Variants in AMOTL1 observed in about 807,000 individuals in gnomAD.
AMOTL1 encodes the protein angiomotin-like protein 1.
AMOTL1 carries 45 observed loss-of-function variants against 102.9 expected under a neutral mutation model. The ratio of observed to expected loss-of-function variants is 0.44; its 90% CI spans 0.34 to 0.56. The LOEUF is 0.56. Among genes scored for constraint, AMOTL1 ranks in the 20% least tolerant of loss-of-function variants. The probability of loss-of-function intolerance (pLI) is 0.01; values close to 1 mark genes in which losing one functional copy is unlikely to be tolerated. For synonymous variants in AMOTL1, 481 were observed against 484.7 expected, an observed-to-expected ratio of 0.99 and a Z score of 0.10; for missense variants, 1,114 against 1,225.6, an observed-to-expected ratio of 0.91 and a Z score of 1.36.
At chr11:94,740,253 G>A (rs2135475265) in intron 2 of AMOTL1, 1 of 152,452 alleles carries the variant, frequency 6.6e-6, no homozygotes, top group East Asian at 1.9e-4. Context: ...CATCTCCTCA[G>A]GAGAAGCCCA....
chr11:94,729,026 G>T (rs1359445527), exon 2 of AMOTL1: 3 of 1,289,080 alleles, frequency 2.3e-6, no homozygotes, highest in Non-Finnish European at 1.0e-6. Context: ...TCCCATGCTG[G>T]AATTCATCAT....
chr11:94,876,370 GC>G lies in AMOTL1; in HGVS notation c.*5576del, dbSNP rs1953095079. The G allele has an allele frequency of 6.6e-6, 1 of 152,654 alleles. No individual in the cohort carries two copies. The highest frequency in any genetic ancestry group is 1.5e-5 in the Non-Finnish European group (1 of 68,048). 9.5% of individuals were successfully genotyped at this position (152,654 alleles called of 1,614,324 possible). A position where few individuals can be genotyped will look rare whatever the true frequency, so the allele number is the denominator to read the frequency against. On this transcript the variant is annotated 3_prime_UTR_variant, in exon 13 of 13. Coordinates refer to ENST00000433060, the MANE Select transcript of AMOTL1 (RefSeq NM_130847.3). ...TCCTGCTGCCGCTGCCCTCCAACCTGCTCTGTGTGTGTGTGTCGCTGTGCTT... is the reference window on the plus strand; with the variant it reads ...TCCTGCTGCCGCTGCCCTCCAACCTGTCTGTGTGTGTGTGTCGCTGTGCTT...
At chr11:94,857,438 C>T (rs951625565) in intron 8 of AMOTL1, among the ~76,000 whole-genome samples, 1 of 152,078 alleles carries the variant, frequency 6.6e-6, no homozygotes, top group Non-Finnish European at 1.5e-5. Flanking sequence ...TAGGTTGGGA[C>T]AATAGGACTA....
intron 1 of AMOTL1, among the ~76,000 whole-genome samples, chr11:94,720,835 G>T (rs1591890801): frequency 6.6e-6 from 1 of 152,106 alleles, no homozygotes; most frequent in Non-Finnish European, 1.5e-5. Context: ...AAGAAGAAAT[G>T]GGGTGCCTAG....
chr11:94,802,422 T>C (rs1452629430), intron 3 of AMOTL1, among the ~76,000 whole-genome samples: 1 of 152,226 alleles, frequency 6.6e-6, no homozygotes, highest in Non-Finnish European at 1.5e-5. Flanking sequence ...CTTCTTTGCT[T>C]TACTATTTGT....
intron 3 of AMOTL1, among the ~76,000 whole-genome samples, chr11:94,814,987 C>G (rs1951741787): frequency 6.6e-6 from 1 of 152,164 alleles, no homozygotes; most frequent in African/African-American, 2.4e-5. Flanking sequence ...TCTATTACAG[C>G]AAACATTTAT....
chr11:94,852,463 A>C (rs765864793), intron 7 of AMOTL1, among the ~76,000 whole-genome samples: 16 of 152,250 alleles, frequency 1.1e-4, no homozygotes, highest in East Asian at 1.9e-4. Flanking sequence ...AGGAAATAGC[A>C]TCTGGTGTCT....
chr11:94,814,333 A>G (rs183560517), intron 3 of AMOTL1, among the ~76,000 whole-genome samples: 291 of 152,342 alleles, frequency 1.9e-3, no homozygotes, highest in Non-Finnish European at 3.1e-3. Flanking sequence ...GAAATTTTCT[A>G]TCAAACAGAG....
chr11:94,789,241 C>A (rs549352060), intron 1 of AMOTL1, among the ~76,000 whole-genome samples: 1 of 152,298 alleles, frequency 6.6e-6, no homozygotes, highest in Admixed American at 6.5e-5. Context: ...TCACTGCAAC[C>A]TTTGCCTCCT....
Position 94,789,036 on chromosome 11 carries a change from A to T in AMOTL1, c.50-5975A>T, listed in dbSNP as rs909279372. On this transcript the variant is annotated intron_variant, in intron 1 of 12. Transcript: ENST00000433060. ...GGAATCTTGTAAACCCCACCCCTCA[A>T]CCCCCAACTCCAAACCTCGGGTTTC... is the stretch of plus-strand genomic sequence containing the variant. Among the ~76,000 whole-genome samples the T allele has an allele frequency of 3.9e-5, 6 of 152,154 alleles. No individual in the cohort carries two copies. The South Asian group carries it at 1.2e-3, about 32-fold the overall frequency.
At position 94,866,161 on chromosome 11, in the gene AMOTL1, G is replaced by C. The variant is rs746252706; in HGVS notation, c.2481G>C (p.Gly827=). ...AGAAGGAAGAGAAGACCTGGAAGGGGAGCATAGGTGAGCCCCACACCTCTG... is the reference window on the plus strand; with the variant it reads ...AGAAGGAAGAGAAGACCTGGAAGGGCAGCATAGGTGAGCCCCACACCTCTG... ...EEKKEEKTWK[G]SIGLLLGKEH... is the part of the protein sequence containing the mutation. The change falls in exon 11 of 13, where the codon GGG becomes GGC. Residue 827 remains glycine (G), a synonymous_variant. Coordinates refer to ENST00000433060, the MANE Select transcript of AMOTL1 (RefSeq NM_130847.3). The C allele has an allele frequency of 1.2e-5, 20 of 1,613,840 alleles. No individual in the cohort carries two copies. Among genetic ancestry groups the C allele is most frequent in the Non-Finnish European group, 1.7e-5 (20 of 1,179,800 alleles).
intron 6 of AMOTL1, among the ~76,000 whole-genome samples, chr11:94,835,877 A>G (rs1592016833): frequency 6.6e-6 from 1 of 152,256 alleles, no homozygotes; most frequent in Non-Finnish European, 1.5e-5. Flanking sequence ...ATGAGTCAGA[A>G]CTATATGCAT....
intron 3 of AMOTL1, among the ~76,000 whole-genome samples, chr11:94,810,222 A>G (rs1156887469): frequency 6.6e-6 from 1 of 152,236 alleles, no homozygotes; most frequent in African/African-American, 2.4e-5. Flanking sequence ...ATAAAATTAC[A>G]GAAATCTATC....
chr11:94,792,277 A>G (rs1200768298), intron 1 of AMOTL1, among the ~76,000 whole-genome samples: 1 of 152,210 alleles, frequency 6.6e-6, no homozygotes, highest in Non-Finnish European at 1.5e-5. Context: ...CAATGAGAAC[A>G]CTTGGACACA....
intron 1 of AMOTL1, among the ~76,000 whole-genome samples, chr11:94,708,305 C>T (rs1253342848): frequency 3.3e-5 from 5 of 152,152 alleles, no homozygotes; most frequent in African/African-American, 4.8e-5. Flanking sequence ...ATTTTTATGA[C>T]TCTTGTAGGT....
chr11:94,713,059 T>G (rs763216251), intron 1 of AMOTL1, among the ~76,000 whole-genome samples: 36 of 152,036 alleles, frequency 2.4e-4, no homozygotes, highest in Middle Eastern at 3.4e-3. Flanking sequence ...TTGTTTTGTT[T>G]TGTTTTTTGC....
chr11:94,794,204 C>T (rs1951328160), intron 1 of AMOTL1, among the ~76,000 whole-genome samples: 1 of 152,176 alleles, frequency 6.6e-6, no homozygotes, highest in African/African-American at 2.4e-5. Flanking sequence ...AAATAAGTTA[C>T]TTTAGCTGAA....
intron 1 of AMOTL1, among the ~76,000 whole-genome samples, chr11:94,770,342 A>G (rs1052690069): frequency 1.3e-5 from 2 of 152,202 alleles, no homozygotes; most frequent in Non-Finnish European, 2.9e-5. Context: ...TAAAGGGTGG[A>G]AAAGCACTGA....
Position 94,876,387 on chromosome 11 carries a change from C to G in AMOTL1, c.*5592C>G, listed in dbSNP as rs897762482. The G allele has an allele frequency of 6.6e-6, 1 of 152,662 alleles. No homozygotes were observed. Among genetic ancestry groups the G allele is most frequent in the Non-Finnish European group, 1.5e-5 (1 of 68,058 alleles). The allele number at this position is 152,662 out of a possible 1,614,324, so 9.5% of individuals were successfully genotyped here. A position where few individuals can be genotyped will look rare whatever the true frequency, so the allele number is the denominator to read the frequency against. On this transcript the variant is annotated 3_prime_UTR_variant, in exon 13 of 13. Transcript: ENST00000433060. ...TCCAACCTGCTCTGTGTGTGTGTGT[C>G]GCTGTGCTTGGTGGCAGTGTGCCGT...
Sources: gnomAD v4.1 joint callset for allele counts (sites outside exome capture counted in the v4.1 genomes callset) on GRCh38, gnomAD v4.1.1 for gene constraint, MANE v1.5 for transcripts, NCBI Gene and HGNC (gene_info 2026-07-23, HGNC 2026-07-21) for gene names.